DGKB: variants seen among roughly 807,000 people sequenced by gnomAD.
The protein encoded by DGKB is diacylglycerol kinase beta, also known as 90 kDa diacylglycerol kinase.
DGKB carries 67 observed loss-of-function variants against 114.3 expected under a neutral mutation model. The ratio of observed to expected loss-of-function variants is 0.59; its 90% CI spans 0.48 to 0.72. DGKB has a LOEUF of 0.72. Ranked by LOEUF, DGKB falls within the 30% of genes least tolerant of loss-of-function variation. The probability of loss-of-function intolerance (pLI) is 0.00; values close to 1 mark genes in which losing one functional copy is unlikely to be tolerated. For synonymous variants in DGKB, 398 were observed against 323.1 expected, an observed-to-expected ratio of 1.23 and a Z score of -2.49; for missense variants, 907 against 975.2, an observed-to-expected ratio of 0.93 and a Z score of 0.93.
chr7:14,452,474 T>C (rs1455010427), intron 21 of DGKB, among the ~76,000 whole-genome samples: 3 of 152,106 alleles, frequency 2.0e-5, no homozygotes, highest in African/African-American at 7.2e-5. Context: ...CTTCATTTCA[T>C]CTATTAAGTC....
intron 23 of DGKB, among the ~76,000 whole-genome samples, chr7:14,303,145 C>T (rs934801159): frequency 6.6e-6 from 1 of 152,064 alleles, no homozygotes; most frequent in African/African-American, 2.4e-5. Flanking sequence ...TATGGCAACA[C>T]CTAAGTGAAG....
At chr7:14,255,523 A>T (rs1036214147) in intron 23 of DGKB, among the ~76,000 whole-genome samples, 2 of 152,186 alleles carry the variant, frequency 1.3e-5, no homozygotes, top group African/African-American at 4.8e-5. Context: ...AACACGAAGC[A>T]CATCCAGAGA....
At chr7:14,720,491 G>C (rs1366224747) in intron 5 of DGKB, among the ~76,000 whole-genome samples, 1 of 149,162 alleles carries the variant, frequency 6.7e-6, no homozygotes, top group Non-Finnish European at 1.5e-5. Context: ...GTGTGTGTGT[G>C]TGTGTGTGTG....
chr7:14,598,679 T>C (rs898493962), intron 17 of DGKB, among the ~76,000 whole-genome samples: 1 of 152,202 alleles, frequency 6.6e-6, no homozygotes, highest in Admixed American at 6.5e-5. Flanking sequence ...ATTTTATTTT[T>C]AAGCTATCTT....
chr7:14,967,548 C>T (rs553606575), intron 1 of DGKB, among the ~76,000 whole-genome samples: 6 of 150,976 alleles, frequency 4.0e-5, no homozygotes, highest in East Asian at 3.9e-4. Flanking sequence ...CTTGAGCTCC[C>T]GGCCTCAAGT....
chr7:14,813,756 C>T (rs1301147690), intron 2 of DGKB, among the ~76,000 whole-genome samples: 1 of 151,928 alleles, frequency 6.6e-6, no homozygotes, highest in African/African-American at 2.4e-5. Flanking sequence ...TTCATTGAAT[C>T]TTTTACTCTA....
At chr7:14,548,099 T>C (rs1458920640) in intron 20 of DGKB, among the ~76,000 whole-genome samples, 5 of 152,190 alleles carry the variant, frequency 3.3e-5, no homozygotes, top group Admixed American at 6.5e-5. Context: ...TACCTAATGA[T>C]GGTCATGTCC....
intron 6 of DGKB, among the ~76,000 whole-genome samples, chr7:14,708,859 A>T (rs574096765): frequency 1.5e-3 from 220 of 150,116 alleles, no homozygotes; most frequent in Non-Finnish European, 2.6e-3. Context: ...AACCATAAAA[A>T]CCCTAAAAGA....
At chr7:14,678,451 G>T (rs1820262096) in intron 12 of DGKB, among the ~76,000 whole-genome samples, 1 of 152,024 alleles carries the variant, frequency 6.6e-6, no homozygotes, top group South Asian at 2.1e-4. Flanking sequence ...CAAGGGACCG[G>T]GATGAACAAA....
intron 21 of DGKB, among the ~76,000 whole-genome samples, chr7:14,457,007 A>C (rs1032721479): frequency 6.6e-6 from 1 of 152,248 alleles, no homozygotes; most frequent in Non-Finnish European, 1.5e-5. Context: ...AGTTTCCTAC[A>C]CTTTCACTGT....
chr7:14,236,693 A>T (rs1043776804), intron 23 of DGKB, among the ~76,000 whole-genome samples: 1 of 152,026 alleles, frequency 6.6e-6, no homozygotes, highest in Non-Finnish European at 1.5e-5. Context: ...ATTAGAAACA[A>T]GTAATTCAAT....
intron 21 of DGKB, among the ~76,000 whole-genome samples, chr7:14,414,630 ATAGGTATGC>A (rs1288953385): frequency 1.3e-5 from 2 of 152,172 alleles, no homozygotes; most frequent in Admixed American, 1.3e-4. Flanking sequence ...AACTAACAGA[ATAGGTATGC>A]TGTAAGAAAA....
At chr7:14,759,644 T>A (rs1442833680) in intron 2 of DGKB, among the ~76,000 whole-genome samples, 2 of 152,220 alleles carry the variant, frequency 1.3e-5, no homozygotes, top group South Asian at 4.1e-4. Context: ...CTCCATTTAA[T>A]AAATCTATTT....
rs544870895 is a variant in DGKB, at chr7:14,292,340, C to T, written c.2122+46175G>A. Among the ~76,000 whole-genome samples the T allele has an allele frequency of 6.6e-5, 10 of 152,192 alleles. No homozygotes were observed. The East Asian group carries it at 1.9e-3, about 30-fold the overall frequency. ...GTCAGCACTGACTCAGAATGTGGAACAAGGTGAGGCTGCCTTTCTCACAGT... is the reference window on the plus strand; with the variant it reads ...GTCAGCACTGACTCAGAATGTGGAATAAGGTGAGGCTGCCTTTCTCACAGT... On this transcript the variant is annotated intron_variant, in intron 23 of 25. Transcript: ENST00000402815.
chr7:14,908,586 A>G (rs775660754), intron 1 of DGKB, among the ~76,000 whole-genome samples: 2 of 152,232 alleles, frequency 1.3e-5, no homozygotes, highest in African/African-American at 2.4e-5. Flanking sequence ...TACAATTTAG[A>G]GAAGAATGCC....
At chr7:14,374,675 C>A (rs993546074) in intron 21 of DGKB, among the ~76,000 whole-genome samples, 5 of 152,134 alleles carry the variant, frequency 3.3e-5, no homozygotes, top group African/African-American at 1.2e-4. Context: ...CATGAGTCTC[C>A]TGTTTCTCTT....
At chr7:14,158,682 T>C (rs901049725) in intron 25 of DGKB, among the ~76,000 whole-genome samples, 1 of 152,184 alleles carries the variant, frequency 6.6e-6, no homozygotes, top group African/African-American at 2.4e-5. Context: ...TTATGATAAT[T>C]GATATTTCTA....
rs566455523 is a variant in DGKB, at chr7:14,682,943, C to T, written c.830-102G>A. 823 of 765,148 alleles carry T rather than the reference C, an allele frequency of 1.1e-3. 3 individuals carry two copies. Among genetic ancestry groups the T allele is most frequent in the Admixed American group, 2.9e-3 (127 of 44,408 alleles). The allele number at this position is 765,148 out of a possible 1,614,324, so 47.4% of individuals were successfully genotyped here. On this transcript the variant is annotated intron_variant, in intron 10 of 25. Transcript: ENST00000402815. ...ACAGAACCTCATTTCATATCCACTG[C>T]TCCCTAATCAATCCAATCAGCCACA... is the stretch of plus-strand genomic sequence containing the variant.
At chr7:14,531,532 G>A (rs1004940426) in intron 20 of DGKB, among the ~76,000 whole-genome samples, 3 of 151,366 alleles carry the variant, frequency 2.0e-5, no homozygotes, top group South Asian at 2.1e-4. Context: ...ACTAAGAAAC[G>A]TTGCTGCGAG....
Sources: allele counts gnomAD v4.1 joint callset (sites outside exome capture counted in the v4.1 genomes callset), GRCh38; gene constraint gnomAD v4.1.1; transcripts MANE v1.5; gene names NCBI Gene and HGNC (gene_info 2026-07-23, HGNC 2026-07-21).